The following AFG2A variants were observed in gnomAD, a reference collection of about 807,000 sequenced individuals.
AFG2A encodes AAA ATPase AFG2A.
At chr4:123,035,117 A>C in the AFG2A span, among the ~76,000 whole-genome samples, 4 of 152,208 alleles carry the variant, frequency 2.6e-5, no homozygotes, top group Non-Finnish European at 5.9e-5. Flanking sequence ...GTTGAAGCCT[A>C]TAAAGGTGTG....
the AFG2A span, among the ~76,000 whole-genome samples, chr4:122,994,598 A>G: frequency 1.3e-5 from 2 of 152,094 alleles, no homozygotes; most frequent in East Asian, 3.9e-4. Context: ...TCATCTTTAT[A>G]CTTTTTGATC....
chr4:123,221,506 C>T, the AFG2A span, among the ~76,000 whole-genome samples: 1 of 150,794 alleles, frequency 6.6e-6, no homozygotes, highest in Non-Finnish European at 1.5e-5. Flanking sequence ...TATTCAAAAA[C>T]AATGTAAAAT....
the AFG2A span, among the ~76,000 whole-genome samples, chr4:123,284,884 A>AT: frequency 6.6e-6 from 1 of 152,182 alleles, no homozygotes; most frequent in Non-Finnish European, 1.5e-5. Flanking sequence ...ATAGTTTGAG[A>AT]TTTTAACAGC....
At chr4:123,050,036 A>T in the AFG2A span, among the ~76,000 whole-genome samples, 1 of 152,178 alleles carries the variant, frequency 6.6e-6, no homozygotes, top group South Asian at 2.1e-4. Flanking sequence ...AAGAAATTTT[A>T]AAATTTTCTT....
chr4:123,260,718 T>C, the AFG2A span, among the ~76,000 whole-genome samples: 1 of 152,250 alleles, frequency 6.6e-6, no homozygotes, highest in African/African-American at 2.4e-5. Flanking sequence ...ACATGTGAGA[T>C]AGGAATAAGG....
chr4:123,006,898 A>ATT, the AFG2A span, among the ~76,000 whole-genome samples: 1,122 of 112,648 alleles, frequency 1.0e-2, 15 homozygotes, highest in African/African-American at 0.027. Context: ...CATGCTTGTT[A>ATT]TTTTTTTTTT....
chr4:122,943,457 G>T, the AFG2A span, among the ~76,000 whole-genome samples: 2 of 151,560 alleles, frequency 1.3e-5, no homozygotes, highest in Non-Finnish European at 2.9e-5. Context: ...AGGATTGCAA[G>T]CCCTGCCTTT....
At chr4:122,926,293 G>A in the AFG2A span, among the ~76,000 whole-genome samples, 1 of 152,038 alleles carries the variant, frequency 6.6e-6, no homozygotes, top group African/African-American at 2.4e-5. Context: ...GTTCATTGAG[G>A]TTTAGGAAGA....
chr4:123,028,894 C>T, the AFG2A span, among the ~76,000 whole-genome samples: 3 of 152,108 alleles, frequency 2.0e-5, no homozygotes, highest in Non-Finnish European at 4.4e-5. Flanking sequence ...TTCATTGCTT[C>T]GCCCCGATTA....
chr4:122,933,685 G>A, the AFG2A span, among the ~76,000 whole-genome samples: 1 of 152,218 alleles, frequency 6.6e-6, no homozygotes, highest in East Asian at 1.9e-4. Context: ...TGGCAGTTGA[G>A]CAGTGGAAAG....
the AFG2A span, among the ~76,000 whole-genome samples, chr4:123,291,896 G>A: frequency 6.6e-6 from 1 of 152,142 alleles, no homozygotes; most frequent in East Asian, 1.9e-4. Context: ...TGAGCTTCTT[G>A]TATTTGGATG....
the AFG2A span, among the ~76,000 whole-genome samples, chr4:123,158,381 T>C: frequency 6.6e-6 from 1 of 152,174 alleles, no homozygotes; most frequent in African/African-American, 2.4e-5. Context: ...AGGTTTTTTT[T>C]GTATGTATGG....
At chr4:123,001,844 A>G in the AFG2A span, among the ~76,000 whole-genome samples, 1 of 151,828 alleles carries the variant, frequency 6.6e-6, no homozygotes, top group South Asian at 2.1e-4. Flanking sequence ...GCTGAGTTCA[A>G]TTCCTGGGTA....
At chr4:123,319,053 C>G in the AFG2A span, 1 of 152,224 alleles carries the variant, frequency 6.6e-6, no homozygotes, top group East Asian at 1.9e-4. Flanking sequence ...AAACTTAGAA[C>G]GGCTTCTAAC....
At chr4:122,961,989 C>T in the AFG2A span, among the ~76,000 whole-genome samples, 1 of 152,182 alleles carries the variant, frequency 6.6e-6, no homozygotes, top group Non-Finnish European at 1.5e-5. Context: ...TTTCCATGGA[C>T]CTGGGGTGAG....
At chr4:122,996,235 CT>C in the AFG2A span, among the ~76,000 whole-genome samples, 76 of 152,246 alleles carry the variant, frequency 5.0e-4, no homozygotes, top group African/African-American at 1.8e-3. Flanking sequence ...ACCAAAGATC[CT>C]GTAATGTGTA....
At chr4:122,991,740 T>G in the AFG2A span, among the ~76,000 whole-genome samples, 1 of 152,212 alleles carries the variant, frequency 6.6e-6, no homozygotes, top group Non-Finnish European at 1.5e-5. Flanking sequence ...TGAGACATTT[T>G]CAAATTTACT....
the AFG2A span, among the ~76,000 whole-genome samples, chr4:122,986,530 A>G: frequency 6.6e-6 from 1 of 152,184 alleles, no homozygotes; most frequent in Non-Finnish European, 1.5e-5. Context: ...TCTCACTGAT[A>G]TGTGGGAGCT....
chr4:123,016,407 G>C, the AFG2A span, among the ~76,000 whole-genome samples: 1 of 151,422 alleles, frequency 6.6e-6, no homozygotes, highest in Admixed American at 6.6e-5. Flanking sequence ...TTCTCAGACA[G>C]GGCGGCTGGG....
Sources: gnomAD v4.1 joint callset for allele counts (sites outside exome capture counted in the v4.1 genomes callset) on GRCh38, gnomAD v4.1.1 for gene constraint, MANE v1.5 for transcripts, NCBI Gene and HGNC (gene_info 2026-07-23, HGNC 2026-07-21) for gene names.